CNTN4: variants seen among roughly 807,000 people sequenced by gnomAD.
CNTN4 encodes contactin 4.
CNTN4 carries 77 observed loss-of-function variants against 122.5 expected under a neutral mutation model. The observed-to-expected ratio is 0.63, with a 90% CI of 0.52 to 0.76. The LOEUF is 0.76. CNTN4 is among the 30% of genes least tolerant of loss of function. The pLI, the probability that CNTN4 is intolerant of heterozygous loss-of-function variation, is 0.00. For missense variants in CNTN4, 1,256 were observed against 1,259.1 expected (o/e 1.00, Z 0.04); for synonymous variants, 512 against 447.0 (o/e 1.15, Z -1.83).
chr3:3,031,591 C>CA (rs1246834278), intron 16 of CNTN4, among the ~76,000 whole-genome samples: 1 of 151,866 alleles, frequency 6.6e-6, no homozygotes. Flanking sequence ...TATGACCCCC[C>CA]CGGCTGAGCA....
chr3:2,737,931 G>A (rs1419708023), intron 5 of CNTN4, among the ~76,000 whole-genome samples: 2 of 152,142 alleles, frequency 1.3e-5, no homozygotes, highest in Non-Finnish European at 2.9e-5. Flanking sequence ...AAATACAACC[G>A]AAAAGAATTT....
intron 3 of CNTN4, among the ~76,000 whole-genome samples, chr3:2,418,289 C>G (rs1405063868): frequency 1.3e-5 from 2 of 151,994 alleles, no homozygotes; most frequent in Non-Finnish European, 2.9e-5. Context: ...TTGCTGTGAA[C>G]CTAAAGCTGC....
chr3:2,833,509 A>G (rs1354191538), intron 7 of CNTN4, among the ~76,000 whole-genome samples: 3 of 152,202 alleles, frequency 2.0e-5, no homozygotes, highest in Non-Finnish European at 4.4e-5. Context: ...TTTATTGTTT[A>G]ATATCATCAC....
At chr3:2,178,685 C>T (rs2036866969) in intron 2 of CNTN4, among the ~76,000 whole-genome samples, 1 of 152,066 alleles carries the variant, frequency 6.6e-6, no homozygotes, top group African/African-American at 2.4e-5. Flanking sequence ...ATAGGCCCAT[C>T]ACTCATTGTG....
intron 2 of CNTN4, among the ~76,000 whole-genome samples, chr3:2,322,387 C>T (rs1338535740): frequency 6.6e-6 from 1 of 152,180 alleles, no homozygotes; most frequent in East Asian, 1.9e-4. Context: ...CTGATACTTG[C>T]TACAACATGG....
chr3:2,941,745 A>G (rs2094618172), intron 13 of CNTN4, among the ~76,000 whole-genome samples: 1 of 152,170 alleles, frequency 6.6e-6, no homozygotes, highest in Non-Finnish European at 1.5e-5. Flanking sequence ...AATGGAAATC[A>G]AATCTCATCA....
chr3:2,526,594 TA>T (rs1424115851), intron 3 of CNTN4, among the ~76,000 whole-genome samples: 2 of 152,144 alleles, frequency 1.3e-5, no homozygotes, highest in Non-Finnish European at 2.9e-5. Context: ...TTTACCAAAA[TA>T]CGTATGGGAT....
chr3:2,266,812 A>C (rs922959454), intron 2 of CNTN4, among the ~76,000 whole-genome samples: 15 of 152,246 alleles, frequency 9.9e-5, no homozygotes, highest in African/African-American at 2.9e-4. Context: ...GCAGAATAGC[A>C]GCTGCCACCA....
intron 7 of CNTN4, among the ~76,000 whole-genome samples, chr3:2,853,776 C>T (rs2093585690): frequency 6.7e-6 from 1 of 150,108 alleles, no homozygotes. Flanking sequence ...CCTGTTTGTT[C>T]AGTTTGAATT....
intron 2 of CNTN4, among the ~76,000 whole-genome samples, chr3:2,308,064 T>C (rs1213918688): frequency 6.6e-6 from 1 of 152,160 alleles, no homozygotes; most frequent in African/African-American, 2.4e-5. Flanking sequence ...TGATTACTAA[T>C]TTATTTACTT....
intron 3 of CNTN4, among the ~76,000 whole-genome samples, chr3:2,379,431 G>C (rs1223410089): frequency 6.6e-6 from 1 of 152,082 alleles, no homozygotes; most frequent in Non-Finnish European, 1.5e-5. Flanking sequence ...TAGTACCTTG[G>C]ATAGATAACT....
At chr3:2,375,223 A>G (rs1371830973) in intron 3 of CNTN4, among the ~76,000 whole-genome samples, 3 of 152,190 alleles carry the variant, frequency 2.0e-5, no homozygotes, top group Admixed American at 2.0e-4. Flanking sequence ...TATCTGAGGC[A>G]TTATTTTGCC....
intron 2 of CNTN4, among the ~76,000 whole-genome samples, chr3:2,255,198 A>G (rs2040532144): frequency 1.3e-5 from 2 of 152,006 alleles, no homozygotes; most frequent in Non-Finnish European, 2.9e-5. Context: ...CTGGGTGTAG[A>G]TGTGTGGCAT....
At chr3:2,281,718 G>T (rs192167788) in intron 2 of CNTN4, among the ~76,000 whole-genome samples, 19 of 151,784 alleles carry the variant, frequency 1.3e-4, no homozygotes, top group African/African-American at 4.4e-4. Flanking sequence ...AGGTGTTTTC[G>T]GTTTTCTTCT....
intron 7 of CNTN4, among the ~76,000 whole-genome samples, chr3:2,837,840 T>G (rs2093262440): frequency 6.6e-6 from 1 of 152,192 alleles, no homozygotes; most frequent in Non-Finnish European, 1.5e-5. Context: ...TGTCATGCTT[T>G]AGTTGGTAGC....
chr3:2,553,957 G>A (rs2078618163), intron 3 of CNTN4, among the ~76,000 whole-genome samples: 1 of 152,110 alleles, frequency 6.6e-6, no homozygotes, highest in African/African-American at 2.4e-5. Flanking sequence ...TTTACCAGGA[G>A]TTAAAGCTAT....
intron 3 of CNTN4, among the ~76,000 whole-genome samples, chr3:2,468,862 T>C (rs1037561784): frequency 6.6e-6 from 1 of 152,210 alleles, no homozygotes; most frequent in Non-Finnish European, 1.5e-5. Context: ...GCTTCTCTTA[T>C]TCCTGACACT....
In CNTN4 at chr3:2,744,825, T is replaced by C. The variant is rs1416457658; in HGVS notation, c.183-697T>C. ...TACTGGGCTAAATACTCTAGTCACATACATAGGTGATCCAGGTAGATAAAC... is the reference window on the plus strand; with the variant it reads ...TACTGGGCTAAATACTCTAGTCACACACATAGGTGATCCAGGTAGATAAAC... On this transcript the variant is annotated intron_variant, in intron 5 of 24. Coordinates refer to ENST00000418658, the MANE Select transcript of CNTN4 (RefSeq NM_175607.3). Among the ~76,000 whole-genome samples, 4 of 152,204 alleles carry C rather than the reference T, an allele frequency of 2.6e-5. No homozygotes were observed. The East Asian group carries it at 7.7e-4, about 29-fold the overall frequency.
At chr3:2,491,223 A>C (rs891938140) in intron 3 of CNTN4, among the ~76,000 whole-genome samples, 5 of 152,218 alleles carry the variant, frequency 3.3e-5, no homozygotes, top group Admixed American at 6.5e-5. Flanking sequence ...TATTGTGAAC[A>C]AATTCACCCC....
Sources: gnomAD v4.1 joint callset for allele counts (sites outside exome capture counted in the v4.1 genomes callset) on GRCh38, gnomAD v4.1.1 for gene constraint, MANE v1.5 for transcripts, NCBI Gene and HGNC (gene_info 2026-07-23, HGNC 2026-07-21) for gene names.